ABCB11: variants seen among roughly 807,000 people sequenced by gnomAD.
ABCB11 encodes ATP binding cassette subfamily B member 11.
Under a neutral mutation model 148.0 loss-of-function variants are expected in ABCB11, and 95 were observed. The ratio of observed to expected loss-of-function variants is 0.64; its 90% CI spans 0.54 to 0.76. ABCB11 has a LOEUF of 0.76. Among genes scored for constraint, ABCB11 ranks in the 30% least tolerant of loss-of-function variants. The probability of loss-of-function intolerance (pLI) is 0.00; values close to 1 mark genes in which losing one functional copy is unlikely to be tolerated. For synonymous variants in ABCB11, 591 were observed against 555.4 expected, an observed-to-expected ratio of 1.06 and a Z score of -0.90; for missense variants, 1,523 against 1,617.8, an observed-to-expected ratio of 0.94 and a Z score of 1.01.
In ABCB11 at chr2:168,921,982, G is replaced by A. The variant is rs944011463; in HGVS notation, c.*1640C>T. ...TCCTGCCTCAGCCTCCTGAGTAGCT[G>A]GGACTACAGGCGCCCGCCACCACGC... On this transcript the variant is annotated 3_prime_UTR_variant, in exon 28 of 28. Coordinates refer to ENST00000650372, the MANE Select transcript of ABCB11 (RefSeq NM_003742.4). 4.4e-4 allele frequency among the ~76,000 whole-genome samples: 66 copies of A among 151,422 alleles called. No individual in the cohort carries two copies. The highest frequency in any genetic ancestry group is 1.8e-3 in the Admixed American group (28 of 15,224).
At chr2:168,947,034 T>C (rs1692354617) in intron 19 of ABCB11, among the ~76,000 whole-genome samples, 1 of 151,856 alleles carries the variant, frequency 6.6e-6, no homozygotes, top group African/African-American at 2.4e-5. Context: ...GGGCTATCCA[T>C]CCATAGATTC....
rs531603411 is a variant in ABCB11 at position 168,998,419 on chromosome 2, T to C, written c.390-1697A>G. 2.0e-5 allele frequency among the ~76,000 whole-genome samples: 3 copies of C among 152,146 alleles called. No homozygotes were observed. In the South Asian group the frequency reaches 6.2e-4, roughly 32 times the overall value. The stretch of plus-strand genomic sequence containing the variant: ...TAATAGTTAACAATAATACATTGAC[T>C]ATTTCAAAAGAGCTAGAAGAGAGGA... On this transcript the variant is annotated intron_variant, in intron 5 of 27. Coordinates refer to ENST00000650372, the MANE Select transcript of ABCB11 (RefSeq NM_003742.4).
chr2:168,987,989 TTG>T (rs368771044), intron 9 of ABCB11, among the ~76,000 whole-genome samples: 5 of 151,188 alleles, frequency 3.3e-5, no homozygotes, highest in Non-Finnish European at 4.4e-5. Flanking sequence ...CATACTTATA[TTG>T]TGTGTGTGTG....
chr2:168,928,532 G>C (rs1002968532), intron 25 of ABCB11, among the ~76,000 whole-genome samples: 3 of 152,144 alleles, frequency 2.0e-5, no homozygotes, highest in Admixed American at 6.6e-5. Context: ...TTACGATGTT[G>C]TAACAAAATA....
chr2:168,919,443 A>G (rs2105867912), downstream of ABCB11, among the ~76,000 whole-genome samples: 1 of 152,100 alleles, frequency 6.6e-6, no homozygotes, highest in South Asian at 2.1e-4. Flanking sequence ...TTTCTGGGGG[A>G]CATTCCTCTC....
Position 169,018,117 on chromosome 2 carries a change from G to A in ABCB11, c.9C>T (p.Asp3=), listed in dbSNP as rs1383146777. 1.2e-6 allele frequency: 2 copies of A among 1,613,414 alleles called. No individual in the cohort carries two copies. The highest frequency in any genetic ancestry group is 1.7e-5 in the Admixed American group (1 of 59,940). The change falls in exon 2 of 28, where the codon GAC becomes GAT. Residue 3 remains aspartate (D), a synonymous_variant. Coordinates refer to ENST00000650372, the MANE Select transcript of ABCB11 (RefSeq NM_003742.4). The stretch of plus-strand genomic sequence containing the variant: ...TCTTTATACTTCGAAGAATTACTGA[G>A]TCAGACATGGTAATTGCAACCCACA... MS[D]SVILRSIKKF...
chr2:168,972,198 T>C, intron 13 of ABCB11, 148 bp from the exon 14 acceptor site: 3 of 677,316 alleles, frequency 4.4e-6, no homozygotes, highest in South Asian at 3.9e-5. Flanking sequence ...TGGTTCTTTA[T>C]ATAAGGATGA....
At chr2:168,979,644 C>T (rs1694060864) in intron 11 of ABCB11, among the ~76,000 whole-genome samples, 1 of 142,874 alleles carries the variant, frequency 7.0e-6, no homozygotes, top group South Asian at 2.2e-4. Context: ...TGCACTCCAG[C>T]CTGGGCAACA....
At chr2:168,971,184 C>T (rs987284149) in intron 14 of ABCB11, among the ~76,000 whole-genome samples, 4 of 151,966 alleles carry the variant, frequency 2.6e-5, no homozygotes, top group African/African-American at 9.7e-5. Context: ...TTAGATGGAG[C>T]TAATAATATT....
chr2:169,025,328 G>A (rs972522740), intron 1 of ABCB11, among the ~76,000 whole-genome samples: 1 of 152,086 alleles, frequency 6.6e-6, no homozygotes, highest in Non-Finnish European at 1.5e-5. Context: ...CTCTCTCCAC[G>A]TCCTGATTTC....
intron 5 of ABCB11, among the ~76,000 whole-genome samples, chr2:169,001,639 G>A (rs1295967331): frequency 1.3e-5 from 2 of 152,158 alleles, no homozygotes; most frequent in Non-Finnish European, 2.9e-5. Flanking sequence ...GGGTGAGAGT[G>A]AGGTCACCGT....
intron 17 of ABCB11, among the ~76,000 whole-genome samples, chr2:168,967,961 A>G (rs1693388460): frequency 6.6e-6 from 1 of 152,038 alleles, no homozygotes. Context: ...TACTTCATCT[A>G]GTTATGGAAT....
intron 16 of ABCB11, 108 bp from the exon 17 acceptor site, chr2:168,968,598 C>T: frequency 2.3e-6 from 2 of 863,412 alleles, no homozygotes; most frequent in Non-Finnish European, 3.4e-6. Flanking sequence ...ATGTCAAATG[C>T]CAAAACATTC....
chr2:168,922,217 G>C lies in ABCB11; in HGVS notation c.*1405C>G, dbSNP rs1272826038. 6.6e-6 allele frequency among the ~76,000 whole-genome samples: 1 copy of C among 152,088 alleles called. No individual in the cohort carries two copies. Among genetic ancestry groups the C allele is most frequent in the African/African-American group, 2.4e-5 (1 of 41,404 alleles). On this transcript the variant is annotated 3_prime_UTR_variant, in exon 28 of 28. Transcript: ENST00000650372. ...CTTCAATCTCCTGCCAGAAGAGAGG[G>C]GCTGGGAGTTCTTCTGTTCATACAC...
intron 21 of ABCB11, among the ~76,000 whole-genome samples, chr2:168,944,069 G>T (rs544450844): frequency 9.9e-5 from 15 of 152,060 alleles, no homozygotes; most frequent in Admixed American, 9.8e-4. Flanking sequence ...AGGTTTTGGG[G>T]TTTACACACC....
In ABCB11 at chr2:168,979,846, T is replaced by C; in HGVS notation, c.1197+20A>G. ...CCAGCCCCCACCTGTTAATGGCCTT[T>C]ACTTTTGGCTTATACATACCCTGTC... On this transcript the variant is annotated intron_variant, in intron 11 of 27. Coordinates refer to ENST00000650372, the MANE Select transcript of ABCB11 (RefSeq NM_003742.4). 1 of 1,527,600 alleles carries C rather than the reference T, an allele frequency of 6.5e-7. No homozygotes were observed. The highest frequency in any genetic ancestry group is 1.1e-5 in the South Asian group (1 of 87,960). 94.6% of individuals were successfully genotyped at this position (1,527,600 alleles called of 1,614,324 possible). A position where few individuals can be genotyped will look rare whatever the true frequency, so the allele number is the denominator to read the frequency against.
At chr2:168,961,253 G>A (rs1424014610) in intron 18 of ABCB11, among the ~76,000 whole-genome samples, 1 of 151,736 alleles carries the variant, frequency 6.6e-6, no homozygotes, top group Non-Finnish European at 1.5e-5. Context: ...TAGGCCAGAG[G>A]AAAAATAACC....
Position 168,936,286 on chromosome 2 carries a change from T to C in ABCB11, c.2758A>G (p.Arg920Gly), listed in dbSNP as rs1476123304. Reference protein sequence around the residue: ...FLALSGATQTRMLTGFASRDK... With the variant: ...FLALSGATQTGMLTGFASRDK... ...CGAGAGGCAAATCCTGTCAACATCC[T>C]GGTCTGTGTGGCTCCTGATAAAGCC... Residue 920 changes from arginine to glycine, a missense_variant, in exon 22 of 28, where the codon AGG becomes GGG. Physicochemically the swap from Arg to Gly is moderately radical, Grantham distance 125 (BLOSUM62 -2). Coordinates refer to ENST00000650372, the MANE Select transcript of ABCB11 (RefSeq NM_003742.4). 6.2e-7 allele frequency: 1 copy of C among 1,613,834 alleles called. No individual in the cohort carries two copies. The highest frequency in any genetic ancestry group is 2.2e-5 in the East Asian group (1 of 44,888).
chr2:168,952,415 A>T (rs1382390345), intron 19 of ABCB11, among the ~76,000 whole-genome samples: 3 of 151,204 alleles, frequency 2.0e-5, no homozygotes, highest in African/African-American at 7.3e-5. Context: ...ACTCATTATT[A>T]GTCTGTTCAG....
Sources: allele counts gnomAD v4.1 joint callset (sites outside exome capture counted in the v4.1 genomes callset), GRCh38; gene constraint gnomAD v4.1.1; transcripts MANE v1.5; gene names NCBI Gene and HGNC (gene_info 2026-07-23, HGNC 2026-07-21).